Variants in PAMR1 observed in about 807,000 individuals in gnomAD.
The protein encoded by PAMR1 is inactive serine protease PAMR1.
In PAMR1, 88 loss-of-function variants were observed where a neutral mutation model predicts 81.8. The ratio of observed to expected loss-of-function variants is 1.08; its 90% CI spans 0.91 to 1.28. PAMR1 has a LOEUF of 1.28. PAMR1 is among the 50% of genes most tolerant of loss of function. The probability of loss-of-function intolerance (pLI) is 0.00; values close to 1 mark genes in which losing one functional copy is unlikely to be tolerated. For synonymous variants in PAMR1, 336 were observed against 345.3 expected, an observed-to-expected ratio of 0.97 and a Z score of 0.30; for missense variants, 935 against 919.7, an observed-to-expected ratio of 1.02 and a Z score of -0.21.
intron 6 of PAMR1, among the ~76,000 whole-genome samples, chr11:35,455,259 A>T (rs1260367504): frequency 6.6e-6 from 1 of 152,236 alleles, no homozygotes; most frequent in African/African-American, 2.4e-5. Flanking sequence ...TTTCAGGAAA[A>T]GTGGTTCCTC....
At chr11:35,435,848 C>T (rs1830560487) in intron 9 of PAMR1, 55 bp downstream of exon 9, 1 of 1,327,466 alleles carries the variant, frequency 7.5e-7, no homozygotes, top group Non-Finnish European at 1.1e-6. Context: ...TGGTTTTTCT[C>T]AGGCAGTCAT....
intron 6 of PAMR1, among the ~76,000 whole-genome samples, chr11:35,464,516 A>G (rs1435233684): frequency 1.3e-5 from 2 of 152,202 alleles, no homozygotes; most frequent in East Asian, 3.8e-4. Context: ...TACCCACTAG[A>G]TGCCAGCAGC....
At chr11:35,522,144 G>C (rs547712) in intron 1 of PAMR1, among the ~76,000 whole-genome samples, 3 of 152,016 alleles carry the variant, frequency 2.0e-5, no homozygotes, top group Non-Finnish European at 2.9e-5. Context: ...GGATGGCCTC[G>C]ATCTCCTGAC....
intron 1 of PAMR1, among the ~76,000 whole-genome samples, chr11:35,515,570 A>C (rs760631190): frequency 2.6e-5 from 4 of 152,192 alleles, no homozygotes; most frequent in Non-Finnish European, 4.4e-5. Flanking sequence ...CAACAGGTGG[A>C]TGGCCATGAG....
chr11:35,491,913 T>G (rs1850633086), intron 3 of PAMR1, 132 bp downstream of exon 3: 1 of 757,482 alleles, frequency 1.3e-6, no homozygotes, highest in East Asian at 2.8e-5. Flanking sequence ...GTTTTTATAG[T>G]TTTACCTAGA....
intron 6 of PAMR1, among the ~76,000 whole-genome samples, chr11:35,455,550 C>A (rs1423769512): frequency 6.6e-6 from 1 of 152,054 alleles, no homozygotes; most frequent in Admixed American, 6.6e-5. Context: ...ATGTCTTTTC[C>A]TTTTGCTTAA....
At chr11:35,506,394 A>T (rs1404335249) in intron 1 of PAMR1, among the ~76,000 whole-genome samples, 43 of 143,818 alleles carry the variant, frequency 3.0e-4, no homozygotes, top group African/African-American at 9.3e-4. Context: ...TTCAAAAAAA[A>T]TTTTTTTTGC....
chr11:35,527,428 C>T (rs891305050), upstream of PAMR1, among the ~76,000 whole-genome samples: 5 of 152,198 alleles, frequency 3.3e-5, no homozygotes, highest in African/African-American at 1.2e-4. Context: ...TGAGACTGCC[C>T]CCAAGAACAT....
At chr11:35,480,815 G>C (rs1189963057) in intron 3 of PAMR1, among the ~76,000 whole-genome samples, 2 of 152,108 alleles carry the variant, frequency 1.3e-5, no homozygotes, top group African/African-American at 4.8e-5. Flanking sequence ...TTTAAGCCCT[G>C]CATGCATTAG....
intron 6 of PAMR1, among the ~76,000 whole-genome samples, chr11:35,447,534 G>C (rs1590324746): frequency 6.6e-6 from 1 of 151,890 alleles, no homozygotes; most frequent in African/African-American, 2.4e-5. Flanking sequence ...AGCCTTTCTG[G>C]GTCTTTGCAT....
At chr11:35,487,188 T>G (rs1009473127) in intron 3 of PAMR1, among the ~76,000 whole-genome samples, 1 of 150,950 alleles carries the variant, frequency 6.6e-6, no homozygotes, top group Non-Finnish European at 1.5e-5. Flanking sequence ...GAACAAACAT[T>G]TGTCCTTTGA....
At chr11:35,520,104 C>T (rs1851244025) in intron 1 of PAMR1, among the ~76,000 whole-genome samples, 3 of 152,118 alleles carry the variant, frequency 2.0e-5, no homozygotes, top group Admixed American at 1.3e-4. Flanking sequence ...ATTTGGATAG[C>T]CAAACTTGGG....
chr11:35,459,437 G>A (rs1333638413), intron 6 of PAMR1, among the ~76,000 whole-genome samples: 1 of 152,068 alleles, frequency 6.6e-6, no homozygotes, highest in Non-Finnish European at 1.5e-5. Context: ...AGTTTTCTTG[G>A]GGCTTCCCCA....
At chr11:35,528,215 T>TC (rs1195361372), upstream of PAMR1, among the ~76,000 whole-genome samples, 2 of 152,036 alleles carry the variant, frequency 1.3e-5, no homozygotes, top group Non-Finnish European at 2.9e-5. Context: ...GTCTCTGTTC[T>TC]CCCCCCATTT....
At chr11:35,456,911 T>C (rs763150156) in intron 6 of PAMR1, among the ~76,000 whole-genome samples, 7 of 152,236 alleles carry the variant, frequency 4.6e-5, no homozygotes, top group Non-Finnish European at 8.8e-5. Flanking sequence ...TATCAATTCT[T>C]AGATCTAACT....
At chr11:35,453,888 G>A (rs1435951149) in intron 6 of PAMR1, among the ~76,000 whole-genome samples, 1 of 152,088 alleles carries the variant, frequency 6.6e-6, no homozygotes, top group African/African-American at 2.4e-5. Flanking sequence ...ACATTGCCAT[G>A]CTACTTTCAG....
intron 3 of PAMR1, among the ~76,000 whole-genome samples, chr11:35,479,586 C>G (rs1850346586): frequency 6.6e-6 from 1 of 152,162 alleles, no homozygotes; most frequent in Admixed American, 6.5e-5. Flanking sequence ...ACCCACTGCT[C>G]CAGGGCTCAT....
intron 6 of PAMR1, among the ~76,000 whole-genome samples, chr11:35,465,722 TTCACTA>T (rs1315204309): frequency 6.6e-6 from 1 of 152,208 alleles, no homozygotes; most frequent in Non-Finnish European, 1.5e-5. Context: ...ACACCTTCAC[TTCACTA>T]TAACTACATG....
intron 1 of PAMR1, among the ~76,000 whole-genome samples, chr11:35,504,660 G>A (rs1850916010): frequency 6.6e-6 from 1 of 151,932 alleles, no homozygotes; most frequent in East Asian, 1.9e-4. Flanking sequence ...TTTCCAATTT[G>A]TTGGATTATA....
Sources: allele counts gnomAD v4.1 joint callset (sites outside exome capture counted in the v4.1 genomes callset), GRCh38; gene constraint gnomAD v4.1.1; transcripts MANE v1.5; gene names NCBI Gene and HGNC (gene_info 2026-07-23, HGNC 2026-07-21).